PSPC1: variants seen among roughly 807,000 people sequenced by gnomAD.
The protein encoded by PSPC1 is paraspeckle protein 1.
A neutral mutation model predicts 51.6 loss-of-function variants in PSPC1; 14 were observed. The ratio of observed to expected loss-of-function variants is 0.27; its 90% confidence interval spans 0.18 to 0.42. The LOEUF is 0.42. Among genes scored for constraint, PSPC1 ranks in the 10% least tolerant of loss-of-function variants. The probability of loss-of-function intolerance (pLI) is 1.00; values close to 1 mark genes in which losing one functional copy is unlikely to be tolerated. For missense variants in PSPC1, 406 were observed against 701.1 expected, an observed-to-expected ratio of 0.58 and a Z score of 4.75; for synonymous variants, 193 against 231.9, an observed-to-expected ratio of 0.83 and a Z score of 1.53.
intron 4 of PSPC1, among the ~76,000 whole-genome samples, chr13:19,745,418 A>G (rs1885866610): frequency 6.6e-6 from 1 of 152,178 alleles, no homozygotes; most frequent in African/African-American, 2.4e-5. Flanking sequence ...CAGGTACAGA[A>G]AAAAGGAATA....
intron 1 of PSPC1, 127 bp from the exon 2 acceptor site, chr13:19,772,670 C>T (rs530770308): frequency 1.2e-6 from 1 of 837,866 alleles, no homozygotes; most frequent in South Asian, 1.9e-5. Context: ...GATTTTGTAT[C>T]TTTTAACTTT....
At chr13:19,755,753 T>G (rs919356222) in intron 3 of PSPC1, among the ~76,000 whole-genome samples, 2 of 152,066 alleles carry the variant, frequency 1.3e-5, no homozygotes, top group Admixed American at 6.6e-5. Flanking sequence ...CCTTCTGATC[T>G]TCCCAATCTC....
At chr13:19,727,702 G>A (rs908676415) in intron 6 of PSPC1, among the ~76,000 whole-genome samples, 2 of 152,126 alleles carry the variant, frequency 1.3e-5, no homozygotes, top group African/African-American at 2.4e-5. Context: ...ACAGTTGGTG[G>A]AGTAACCTAA....
chr13:19,727,406 A>G (rs546096665), intron 6 of PSPC1, among the ~76,000 whole-genome samples: 2 of 142,998 alleles, frequency 1.4e-5, no homozygotes, highest in African/African-American at 5.5e-5. Flanking sequence ...ATAAATAAAT[A>G]AAAAAAAAAA....
intron 6 of PSPC1, among the ~76,000 whole-genome samples, chr13:19,718,113 A>G (rs1203763173): frequency 6.6e-6 from 1 of 152,240 alleles, no homozygotes; most frequent in Non-Finnish European, 1.5e-5. Context: ...ACTCAATAGC[A>G]TGTAAACTTT....
At chr13:19,738,979 ATAT>A (rs1297172379) in intron 5 of PSPC1, among the ~76,000 whole-genome samples, 1 of 152,094 alleles carries the variant, frequency 6.6e-6, no homozygotes, top group East Asian at 1.9e-4. Context: ...TTTTCCCCAG[ATAT>A]TATCAATCCA....
chr13:19,729,650 A>C (rs1175526152), intron 6 of PSPC1, among the ~76,000 whole-genome samples: 1 of 152,212 alleles, frequency 6.6e-6, no homozygotes, highest in Non-Finnish European at 1.5e-5. Flanking sequence ...AAAAAAAAAA[A>C]ATTAAGACCT....
chr13:19,721,704 G>C (rs898783039), intron 6 of PSPC1, among the ~76,000 whole-genome samples: 6 of 152,178 alleles, frequency 3.9e-5, no homozygotes, highest in African/African-American at 1.4e-4. Flanking sequence ...TCAGCACTAT[G>C]TTTTGAATAC....
intron 6 of PSPC1, among the ~76,000 whole-genome samples, chr13:19,719,139 T>C (rs956345589): frequency 8.7e-5 from 13 of 150,084 alleles, no homozygotes; most frequent in African/African-American, 2.9e-4. Context: ...TCAATGTAGC[T>C]TCAGCAATTG....
chr13:19,756,587 C>T (rs920060655), intron 3 of PSPC1, among the ~76,000 whole-genome samples: 2 of 151,906 alleles, frequency 1.3e-5, no homozygotes, highest in Non-Finnish European at 2.9e-5. Flanking sequence ...ACAACCTCCG[C>T]CTCCTGGGTT....
chr13:19,781,020 G>A (rs988731551), intron 1 of PSPC1, among the ~76,000 whole-genome samples: 1 of 151,848 alleles, frequency 6.6e-6, no homozygotes, highest in East Asian at 2.0e-4. Flanking sequence ...AGGCAGGCTT[G>A]GGGGTGCGTG....
At chr13:19,731,497 T>C (rs1013413325) in intron 5 of PSPC1, among the ~76,000 whole-genome samples, 5 of 152,160 alleles carry the variant, frequency 3.3e-5, no homozygotes, top group African/African-American at 9.7e-5. Flanking sequence ...CACTGCAGCC[T>C]TGACCTCCCA....
At chr13:19,742,721 ACAG>A (rs1483641230) in intron 4 of PSPC1, among the ~76,000 whole-genome samples, 1 of 152,206 alleles carries the variant, frequency 6.6e-6, no homozygotes, top group African/African-American at 2.4e-5. Context: ...CCTGGGTTGC[ACAG>A]CAGAACTGTC....
chr13:19,671,827 T>A, downstream of PSPC1: 1 of 1,614,102 alleles, frequency 6.2e-7, no homozygotes, highest in South Asian at 1.1e-5. Flanking sequence ...TTCTTTTCTT[T>A]CAACAGGTTA....
At chr13:19,723,398 T>TA (rs1451428863) in intron 6 of PSPC1, among the ~76,000 whole-genome samples, 1 of 152,190 alleles carries the variant, frequency 6.6e-6, no homozygotes, top group Non-Finnish European at 1.5e-5. Flanking sequence ...ATATGAATGA[T>TA]AAAACACAGA....
intron 3 of PSPC1, among the ~76,000 whole-genome samples, chr13:19,752,142 C>T (rs907056583): frequency 6.6e-6 from 1 of 152,152 alleles, no homozygotes; most frequent in African/African-American, 2.4e-5. Context: ...TCTAGTAAAA[C>T]CAGCTAGATT....
At chr13:19,684,160 AG>A (rs1877591930) in intron 6 of PSPC1, among the ~76,000 whole-genome samples, 1 of 152,202 alleles carries the variant, frequency 6.6e-6, no homozygotes, top group Non-Finnish European at 1.5e-5. Flanking sequence ...ATCCCTACAA[AG>A]GCATCTCGAA....
chr13:19,782,557 G>T lies in PSPC1; in HGVS notation c.201C>A (p.Ile67=). Residue 67 remains isoleucine (I), a synonymous_variant, in exon 1 of 9, where the codon ATC becomes ATA. Transcript: ENST00000338910. The surrounding 1 kb of genome is among the most constrained non-coding windows in gnomAD (Gnocchi z 4.5). ...TCTCGCCCGGCTTGAGGAAACTCTT[G>T]ATGTCGATAGTGAACCCCATCTCCT... ...PDEEMGFTID[I]KSFLKPGEKT... 1 of 1,611,270 alleles carries T rather than the reference G, an allele frequency of 6.2e-7. No individual in the cohort carries two copies. The highest frequency in any genetic ancestry group is 8.5e-7 in the Non-Finnish European group (1 of 1,178,894).
chr13:19,726,091 G>C (rs1197816404), intron 6 of PSPC1, among the ~76,000 whole-genome samples: 2 of 152,222 alleles, frequency 1.3e-5, no homozygotes, highest in Middle Eastern at 3.4e-3. Flanking sequence ...AGGAGTTTGA[G>C]GCTGTAGTGT....
Sources: allele counts gnomAD v4.1 joint callset (sites outside exome capture counted in the v4.1 genomes callset), GRCh38; gene constraint gnomAD v4.1.1; non-coding constraint Gnocchi (gnomAD v3.1); transcripts MANE v1.5; gene names NCBI Gene and HGNC (gene_info 2026-07-23, HGNC 2026-07-21).